The following ADSS1 variants were observed in gnomAD, a reference collection of about 807,000 sequenced individuals.
The protein encoded by ADSS1 is adenylosuccinate synthase 1.
In ADSS1, 57 loss-of-function variants were observed where a neutral mutation model predicts 59.1. The observed-to-expected ratio is 0.97, with a 90% confidence interval of 0.78 to 1.20. ADSS1 has a LOEUF of 1.20. Among genes scored for constraint, ADSS1 ranks in the 50% most tolerant of loss-of-function variants. The probability of loss-of-function intolerance (pLI) is 0.00; values close to 1 mark genes in which losing one functional copy is unlikely to be tolerated. For missense variants in ADSS1, 603 were observed against 610.3 expected, an observed-to-expected ratio of 0.99 and a Z score of 0.13; for synonymous variants, 247 against 249.4, an observed-to-expected ratio of 0.99 and a Z score of 0.09.
At chr14:104,741,782 C>A (rs898292702) in intron 8 of ADSS1, 66 bp from the exon 9 acceptor site, 3 of 1,585,748 alleles carry the variant, frequency 1.9e-6, no homozygotes, top group Non-Finnish European at 2.6e-6. Flanking sequence ...GAGAAGGCCT[C>A]TTGGGCCGGG....
chr14:104,727,757 C>T (rs2140743026), intron 1 of ADSS1, among the ~76,000 whole-genome samples: 1 of 152,320 alleles, frequency 6.6e-6, no homozygotes, highest in Non-Finnish European at 1.5e-5. Flanking sequence ...GCCCGGCCTT[C>T]ACCCCCTAGT....
intron 1 of ADSS1, among the ~76,000 whole-genome samples, chr14:104,726,026 C>G (rs560587607): frequency 1.3e-5 from 2 of 152,186 alleles, no homozygotes; most frequent in Non-Finnish European, 1.5e-5. Context: ...CAGCTGCACA[C>G]GGGAGCACGG....
At chr14:104,732,613 G>A (rs1890971296) in intron 1 of ADSS1, among the ~76,000 whole-genome samples, 1 of 152,246 alleles carries the variant, frequency 6.6e-6, no homozygotes, top group African/African-American at 2.4e-5. Flanking sequence ...GAGCCAGGGT[G>A]TGCCTAGCAG....
At chr14:104,741,740 C>T in intron 8 of ADSS1, 108 bp from the exon 9 acceptor site, 1 of 1,460,568 alleles carries the variant, frequency 6.8e-7, no homozygotes, top group Non-Finnish European at 9.3e-7. Context: ...GAGGGGGCCC[C>T]CCACGGTTTG....
At chr14:104,731,360 G>A (rs1890925956) in intron 1 of ADSS1, among the ~76,000 whole-genome samples, 1 of 152,198 alleles carries the variant, frequency 6.6e-6, no homozygotes. Context: ...CTAGAGTTGT[G>A]CAGTGTGCAA....
intron 1 of ADSS1, among the ~76,000 whole-genome samples, chr14:104,732,170 C>G (rs751698023): frequency 6.6e-5 from 10 of 152,188 alleles, no homozygotes; most frequent in Non-Finnish European, 1.5e-4. Context: ...GCTGGTGGCT[C>G]CCATGGCAAG....
At chr14:104,743,651 AG>A (rs911479690) in intron 10 of ADSS1, 6 of 172,236 alleles carry the variant, frequency 3.5e-5, no homozygotes, top group African/African-American at 1.4e-4. Flanking sequence ...GCTTTGTGTG[AG>A]GGGTGGGCTC....
At position 104,728,761 on chromosome 14, in the gene ADSS1, G is replaced by A. The variant is rs77774392; in HGVS notation, c.192+4299G>A. On this transcript the variant is annotated intron_variant, in intron 1 of 12. Coordinates refer to ENST00000330877, the MANE Select transcript of ADSS1 (RefSeq NM_152328.5). ...CACTCTGCTGCCTTCACTGCCTGGC[G>A]TGAGCTCGCTGACAGCCAGGCCCTG... 2.2e-3 allele frequency among the ~76,000 whole-genome samples: 338 copies of A among 152,344 alleles called. 3 individuals carry two copies. In the South Asian group the frequency reaches 0.028, roughly 13 times the overall value.
rs1280839192 is a variant in ADSS1 at position 104,730,659 on chromosome 14, G to C, written c.193-4361G>C. Among the ~76,000 whole-genome samples, 4 of 152,122 alleles carry C rather than the reference G, an allele frequency of 2.6e-5. No individual in the cohort carries two copies. In the East Asian group the frequency reaches 7.7e-4, roughly 29 times the overall value. On this transcript the variant is annotated intron_variant, in intron 1 of 12. Coordinates refer to ENST00000330877, the MANE Select transcript of ADSS1 (RefSeq NM_152328.5). ...GGGACCAGCAATGGTGGGAGGACTG[G>C]GGAGTGGCCCCGAGAGGTGCTGCGG...
chr14:104,729,991 C>T, intron 1 of ADSS1: 6 of 1,596,784 alleles, frequency 3.8e-6, no homozygotes, highest in Non-Finnish European at 5.1e-6. Context: ...CAGCTCACAG[C>T]ACAGCCCTCC....
intron 1 of ADSS1, among the ~76,000 whole-genome samples, chr14:104,733,069 T>C (rs1890988689): frequency 6.6e-6 from 1 of 152,052 alleles, no homozygotes; most frequent in Non-Finnish European, 1.5e-5. Flanking sequence ...GCTGCAGAAG[T>C]ACCCTGACCC....
At chr14:104,729,690 C>A (rs542494614) in intron 1 of ADSS1, 1 of 121,100 alleles carries the variant, frequency 8.3e-6, no homozygotes, top group Non-Finnish European at 1.3e-5. Context: ...GCGTCGGCGT[C>A]GTGGGGAGGA....
Position 104,740,710 on chromosome 14 carries a change from T to A in ADSS1, c.584+2T>A. On this transcript the variant is annotated splice_donor_variant, in intron 6 of 12. Coordinates refer to ENST00000330877, the MANE Select transcript of ADSS1 (RefSeq NM_152328.5). LOFTEE classifies it high-confidence loss of function. The surrounding 1 kb of genome is among the most constrained non-coding windows in gnomAD (Gnocchi z 4.8). ...AGATTTTGATGAGTTTTCCTCCAGGTACCTGAGCCGTCTGCAGTCCCCGGG... is the reference window on the plus strand; with the variant it reads ...AGATTTTGATGAGTTTTCCTCCAGGAACCTGAGCCGTCTGCAGTCCCCGGG... The A allele has an allele frequency of 6.2e-7, 1 of 1,613,930 alleles. No individual in the cohort carries two copies. The highest frequency in any genetic ancestry group is 8.5e-7 in the Non-Finnish European group (1 of 1,179,992).
At chr14:104,743,030 C>T (rs371332147) in intron 9 of ADSS1, 37 bp from the exon 10 acceptor site, 11 of 1,610,626 alleles carry the variant, frequency 6.8e-6, no homozygotes, top group Middle Eastern at 1.6e-4. Flanking sequence ...AAGGCTCCCA[C>T]GACAGCTCAC....
intron 9 of ADSS1, among the ~76,000 whole-genome samples, chr14:104,742,339 G>A (rs1291280126): frequency 6.6e-6 from 1 of 152,262 alleles, no homozygotes; most frequent in African/African-American, 2.4e-5. Context: ...GGGGTAGCTG[G>A]TGGACTCACC....
At chr14:104,730,730 G>A (rs113653049) in intron 1 of ADSS1, among the ~76,000 whole-genome samples, 57 of 152,240 alleles carry the variant, frequency 3.7e-4, no homozygotes, top group African/African-American at 1.3e-3. Flanking sequence ...GCCTGAGTGG[G>A]GCAGTGGAGA....
chr14:104,731,946 G>A (rs900426927), intron 1 of ADSS1, among the ~76,000 whole-genome samples: 3 of 152,208 alleles, frequency 2.0e-5, no homozygotes, highest in Non-Finnish European at 2.9e-5. Context: ...GAGGGAGACC[G>A]GTGGGGCTGG....
In ADSS1 at chr14:104,741,866, C is replaced by T. The variant is rs1412015824; in HGVS notation, c.812C>T (p.Thr271Ile). 9.3e-6 allele frequency: 15 copies of T among 1,613,334 alleles called. No individual in the cohort carries two copies. In the Admixed American group the frequency reaches 1.0e-4, roughly 11 times the overall value. Residue 271 changes from threonine to isoleucine, a missense_variant, in exon 9 of 13, where the codon ACT (threonine) becomes ATT (isoleucine). By Grantham distance (89) the Thr-to-Ile change is moderately conservative (BLOSUM62 -1). Coordinates refer to ENST00000330877, the MANE Select transcript of ADSS1 (RefSeq NM_152328.5). ...CTTGCAGGGACCTACCCCTTTGTGA[C>T]TTCATCCAACTGCACCGTGGGCGGT... ...DIDFGTYPFV[T>I]SSNCTVGGVC...
At chr14:104,728,754 G>A (rs1314225372) in intron 1 of ADSS1, among the ~76,000 whole-genome samples, 2 of 152,224 alleles carry the variant, frequency 1.3e-5, no homozygotes, top group African/African-American at 4.8e-5. Context: ...TGCCTTCACT[G>A]CCTGGCGTGA....
Sources: gnomAD v4.1 joint callset for allele counts (sites outside exome capture counted in the v4.1 genomes callset) on GRCh38, gnomAD v4.1.1 for gene constraint, Gnocchi (gnomAD v3.1) non-coding constraint, MANE v1.5 for transcripts, NCBI Gene and HGNC (gene_info 2026-07-23, HGNC 2026-07-21) for gene names.